VTI1A: variants seen among roughly 807,000 people sequenced by gnomAD.
VTI1A encodes vesicle transport through interaction with t-SNAREs 1A.
VTI1A carries 22 observed loss-of-function variants against 34.9 expected under a neutral mutation model. The ratio of observed to expected loss-of-function variants is 0.63; its 90% CI spans 0.45 to 0.90. The LOEUF (loss-of-function observed/expected upper bound fraction) is 0.90, where lower values mean the gene tolerates loss of function less well. Ranked by LOEUF, VTI1A falls within the 40% of genes least tolerant of loss-of-function variation. The pLI, the probability that VTI1A is intolerant of heterozygous loss-of-function variation, is 0.00. For synonymous variants in VTI1A, 87 were observed against 97.3 expected (o/e 0.89, Z 0.62); for missense variants, 268 against 275.6 (o/e 0.97, Z 0.20).
At chr10:112,750,649 G>A (rs922143799) in intron 7 of VTI1A, among the ~76,000 whole-genome samples, 3 of 152,136 alleles carry the variant, frequency 2.0e-5, no homozygotes, top group African/African-American at 4.8e-5. Context: ...CCCAAACTAC[G>A]AGTTCAAGAG....
At chr10:112,850,478 C>G in the VTI1A span, among the ~76,000 whole-genome samples, 4 of 152,048 alleles carry the variant, frequency 2.6e-5, no homozygotes, top group African/African-American at 9.7e-5. Flanking sequence ...ACCTGACACC[C>G]CATTCACTAA....
the VTI1A span, chr10:112,831,368 C>G: frequency 1.3e-5 from 2 of 152,270 alleles, no homozygotes; most frequent in African/African-American, 4.8e-5. Flanking sequence ...TGGGAAGAGG[C>G]GCTGGGCCAT....
chr10:112,520,033 A>T (rs1037300966), intron 3 of VTI1A, among the ~76,000 whole-genome samples: 1 of 152,128 alleles, frequency 6.6e-6, no homozygotes, highest in Non-Finnish European at 1.5e-5. Context: ...ACATTTATTT[A>T]TCAGAGTAAC....
chr10:112,533,965 ACT>A (rs1288033528), intron 4 of VTI1A, among the ~76,000 whole-genome samples: 1 of 151,888 alleles, frequency 6.6e-6, no homozygotes. Context: ...TCTTAAATAA[ACT>A]CCTTTCCCCC....
In VTI1A at chr10:112,648,163, G is replaced by A. The variant is rs540400289; in HGVS notation, c.428-20055G>A. Among the ~76,000 whole-genome samples, 4 of 152,302 alleles carry A rather than the reference G, an allele frequency of 2.6e-5. No individual in the cohort carries two copies. The South Asian group carries it at 6.2e-4, about 24-fold the overall frequency. ...TGATTTGGTAGCTTTTTATGAAAAAGCTAAAAAGATTTTTCTCCTCTGTTG... is the reference window on the plus strand; with the variant it reads ...TGATTTGGTAGCTTTTTATGAAAAAACTAAAAAGATTTTTCTCCTCTGTTG... On this transcript the variant is annotated intron_variant, in intron 5 of 7. Transcript: ENST00000393077.
chr10:112,800,401 C>T (rs1453793361), intron 7 of VTI1A, among the ~76,000 whole-genome samples: 1 of 152,220 alleles, frequency 6.6e-6, no homozygotes, highest in Non-Finnish European at 1.5e-5. Context: ...GAACAAGGCA[C>T]CTGAGGCAGG....
intron 5 of VTI1A, among the ~76,000 whole-genome samples, chr10:112,577,519 C>T (rs764735137): frequency 2.6e-5 from 4 of 151,986 alleles, no homozygotes; most frequent in Non-Finnish European, 2.9e-5. Context: ...AAGAAGATAA[C>T]ATTTGGAATG....
chr10:112,736,107 G>GTATA (rs1468293852), intron 7 of VTI1A, among the ~76,000 whole-genome samples: 1,449 of 100,758 alleles, frequency 0.014, 43 homozygotes, highest in African/African-American at 0.06. Context: ...ATATATGTGT[G>GTATA]TGTGTATATA....
At chr10:112,672,418 T>G (rs1847883689) in intron 7 of VTI1A, among the ~76,000 whole-genome samples, 1 of 152,180 alleles carries the variant, frequency 6.6e-6, no homozygotes, top group Non-Finnish European at 1.5e-5. Flanking sequence ...TCTGGCTGAT[T>G]TCCTGGAAAG....
intron 5 of VTI1A, among the ~76,000 whole-genome samples, chr10:112,652,727 A>AAAAAAAAAAAG (rs2133804615): frequency 3.0e-5 from 2 of 66,446 alleles, no homozygotes; most frequent in African/African-American, 1.6e-4. Flanking sequence ...ACCTTGTCTC[A>AAAAAAAAAAAG]AAAAAAAAAA....
intron 5 of VTI1A, among the ~76,000 whole-genome samples, chr10:112,622,036 T>A (rs1845756313): frequency 6.6e-6 from 1 of 152,088 alleles, no homozygotes; most frequent in African/African-American, 2.4e-5. Flanking sequence ...TTGGGGTGCT[T>A]ATTTTAACTC....
chr10:112,539,806 A>G (rs1038741276), intron 5 of VTI1A, among the ~76,000 whole-genome samples: 5 of 152,220 alleles, frequency 3.3e-5, no homozygotes, highest in Admixed American at 1.3e-4. Context: ...CAAAAAACAC[A>G]TATACAAATA....
chr10:112,457,119 A>G (rs1029962440), intron 1 of VTI1A, among the ~76,000 whole-genome samples: 7 of 152,222 alleles, frequency 4.6e-5, no homozygotes, highest in Non-Finnish European at 8.8e-5. Flanking sequence ...TGTAGACTGC[A>G]TACTAGAAAC....
chr10:112,791,346 A>G (rs80268809), intron 7 of VTI1A, among the ~76,000 whole-genome samples: 2,114 of 152,310 alleles, frequency 0.014, 56 homozygotes, highest in African/African-American at 0.048. Flanking sequence ...TACCACAAAA[A>G]ATAAGAAAGA....
intron 5 of VTI1A, among the ~76,000 whole-genome samples, chr10:112,618,541 A>AGAGAGAGAGAGAGAGAGAGAGAGG (rs1473232674): frequency 7.0e-6 from 1 of 142,346 alleles, no homozygotes; most frequent in Non-Finnish European, 1.5e-5. Flanking sequence ...AGAGAGAGAG[A>AGAGAGAGAGAGAGAGAGAGAGAGG]GAGAGAGTAA....
intron 7 of VTI1A, among the ~76,000 whole-genome samples, chr10:112,807,656 C>G (rs192793293): frequency 1.3e-5 from 2 of 152,050 alleles, no homozygotes; most frequent in Non-Finnish European, 2.9e-5. Flanking sequence ...GAGTTCGAAA[C>G]TAGCCTGGCC....
At chr10:112,534,697 C>T (rs543579248) in intron 4 of VTI1A, among the ~76,000 whole-genome samples, 1 of 152,190 alleles carries the variant, frequency 6.6e-6, no homozygotes, top group African/African-American at 2.4e-5. Flanking sequence ...TTTTTATCTT[C>T]CCTACAGGGG....
rs1051224660 is a variant in VTI1A, at chr10:112,736,658, T to C, written c.560+67660T>C. On this transcript the variant is annotated intron_variant, in intron 7 of 7. Coordinates refer to ENST00000393077, the MANE Select transcript of VTI1A (RefSeq NM_145206.4). Reference sequence around the variant, plus strand: ...CAAAATTGGAAACAAGTATACAAACTAGTGCATTTAGCAATGAGGGATGGT... The same window carrying C: ...CAAAATTGGAAACAAGTATACAAACCAGTGCATTTAGCAATGAGGGATGGT... The C allele has an allele frequency of 9.0e-6, 14 of 1,548,780 alleles. No individual in the cohort carries two copies. In the Admixed American group the frequency reaches 2.0e-4, roughly 22 times the overall value.
At chr10:112,783,114 G>T (rs1447298821) in intron 7 of VTI1A, among the ~76,000 whole-genome samples, 2 of 152,084 alleles carry the variant, frequency 1.3e-5, no homozygotes, top group African/African-American at 4.8e-5. Context: ...ATTAAGTGAA[G>T]ACAAAAACAT....
Sources: allele counts gnomAD v4.1 joint callset (sites outside exome capture counted in the v4.1 genomes callset), GRCh38; gene constraint gnomAD v4.1.1; transcripts MANE v1.5; gene names NCBI Gene and HGNC (gene_info 2026-07-23, HGNC 2026-07-21).